FBLN7: variants seen among roughly 807,000 people sequenced by gnomAD.
FBLN7 encodes fibulin 7.
Under a neutral mutation model 44.0 loss-of-function variants are expected in FBLN7, and 31 were observed. The observed-to-expected ratio is 0.70, with a 90% CI of 0.53 to 0.95. The LOEUF is 0.95. FBLN7 is among the 40% of genes least tolerant of loss of function. The probability of loss-of-function intolerance (pLI) is 0.00; values close to 1 mark genes in which losing one functional copy is unlikely to be tolerated. For missense variants in FBLN7, 573 were observed against 618.5 expected, an observed-to-expected ratio of 0.93 and a Z score of 0.78; for synonymous variants, 262 against 253.4, an observed-to-expected ratio of 1.03 and a Z score of -0.32.
the FBLN7 span, chr2:112,212,640 G>A: frequency 2.0e-5 from 3 of 152,096 alleles, no homozygotes; most frequent in African/African-American, 7.2e-5. Flanking sequence ...TAAGTCCATG[G>A]CTCAGCTGTT....
At chr2:112,139,184 T>C (rs1468658109) in intron 1 of FBLN7, among the ~76,000 whole-genome samples, 30 of 38,494 alleles carry the variant, frequency 7.8e-4, no homozygotes, top group East Asian at 1.5e-3. Context: ...TCCAGGCCAG[T>C]GTCCCTCCCG....
downstream of FBLN7, among the ~76,000 whole-genome samples, chr2:112,192,778 T>C (rs540117139): frequency 5.3e-5 from 8 of 152,346 alleles, no homozygotes; most frequent in African/African-American, 1.9e-4. Context: ...TAAACTTTTA[T>C]GACTCTTAGC....
chr2:112,160,766 ACAC>A (rs1681782071), intron 2 of FBLN7, among the ~76,000 whole-genome samples: 5 of 35,436 alleles, frequency 1.4e-4, no homozygotes, highest in Non-Finnish European at 3.3e-4. Context: ...ACACGCACGC[ACAC>A]GCAGACGCAC....
chr2:112,191,416 T>C (rs908962534), downstream of FBLN7, among the ~76,000 whole-genome samples: 1 of 152,206 alleles, frequency 6.6e-6, no homozygotes, highest in African/African-American at 2.4e-5. Flanking sequence ...CCTCAAGTGG[T>C]CTGCCCGCCT....
At chr2:112,211,260 C>T in the FBLN7 span, among the ~76,000 whole-genome samples, 1 of 152,148 alleles carries the variant, frequency 6.6e-6, no homozygotes, top group East Asian at 1.9e-4. Flanking sequence ...GATTTGAGAC[C>T]TTAATTGCAT....
At chr2:112,193,232 G>T in the FBLN7 span, among the ~76,000 whole-genome samples, 16 of 152,270 alleles carry the variant, frequency 1.1e-4, no homozygotes, top group East Asian at 3.1e-3. Flanking sequence ...CCTGAGGTCA[G>T]GAGTTTGAGA....
At chr2:112,176,467 C>A (rs1198244048) in intron 4 of FBLN7, 1 of 152,350 alleles carries the variant, frequency 6.6e-6, no homozygotes, top group Non-Finnish European at 1.5e-5. Context: ...ATATCCTATT[C>A]CTTAGCCACA....
intron 2 of FBLN7, among the ~76,000 whole-genome samples, chr2:112,160,722 GCACACGCACGCACACGCACA>G (rs1558879818): frequency 4.5e-4 from 48 of 106,074 alleles, no homozygotes; most frequent in African/African-American, 1.7e-3. Flanking sequence ...ACAAGCACGC[GCACACGCACGCACACGCACA>G]CACGCGCACG....
At chr2:112,234,486 T>C in the FBLN7 span, among the ~76,000 whole-genome samples, 2 of 152,288 alleles carry the variant, frequency 1.3e-5, no homozygotes, top group South Asian at 4.1e-4. Flanking sequence ...TGCCTTTATT[T>C]TGTAAAAATG....
At chr2:112,157,407 T>G (rs532546100) in intron 1 of FBLN7, among the ~76,000 whole-genome samples, 1 of 152,134 alleles carries the variant, frequency 6.6e-6, no homozygotes, top group Non-Finnish European at 1.5e-5. Flanking sequence ...ACATAATCCA[T>G]AAGCCTATCC....
chr2:112,243,420 A>G, the FBLN7 span, among the ~76,000 whole-genome samples: 1 of 152,188 alleles, frequency 6.6e-6, no homozygotes, highest in Non-Finnish European at 1.5e-5. Flanking sequence ...ATTCTGGTGA[A>G]CTGATATCAG....
At chr2:112,236,545 A>G in the FBLN7 span, 7 of 1,609,312 alleles carry the variant, frequency 4.3e-6, no homozygotes, top group African/African-American at 1.3e-5. Flanking sequence ...TATTCCTAGA[A>G]GCATATATTC....
chr2:112,167,364 C>T (rs1330708720), intron 3 of FBLN7, among the ~76,000 whole-genome samples: 3 of 151,964 alleles, frequency 2.0e-5, no homozygotes, highest in Non-Finnish European at 4.4e-5. Context: ...ACCCAAAGCG[C>T]TCCCCACAGT....
intron 3 of FBLN7, among the ~76,000 whole-genome samples, chr2:112,173,948 T>C (rs1366776884): frequency 6.6e-6 from 1 of 152,242 alleles, no homozygotes; most frequent in South Asian, 2.1e-4. Context: ...CTGGGACAGC[T>C]GTGCGTTTCT....
Position 112,138,406 on chromosome 2 carries a change from T to C in FBLN7, c.-250T>C. The C allele has an allele frequency of 4.7e-6, 1 of 211,900 alleles. No homozygotes were observed. Among genetic ancestry groups the C allele is most frequent in the Non-Finnish European group, 9.0e-6 (1 of 111,444 alleles). The allele number at this position is 211,900 out of a possible 1,614,324, so 13.1% of individuals were successfully genotyped here. A position where few individuals can be genotyped will look rare whatever the true frequency, so the allele number is the denominator to read the frequency against. On this transcript the variant is annotated 5_prime_UTR_variant, in exon 1 of 8. Coordinates refer to ENST00000331203, the MANE Select transcript of FBLN7 (RefSeq NM_153214.3). ...CGTCCTTAGCCCAGGGGCCGGCGCCTCCCCGCCTCGCGCGGACTGTCTCGT... is the reference window on the plus strand; with the variant it reads ...CGTCCTTAGCCCAGGGGCCGGCGCCCCCCCGCCTCGCGCGGACTGTCTCGT...
the FBLN7 span, among the ~76,000 whole-genome samples, chr2:112,241,444 C>T: frequency 6.6e-6 from 1 of 152,156 alleles, no homozygotes; most frequent in Non-Finnish European, 1.5e-5. Context: ...CAGAGACCCC[C>T]CCCTCAAGGG....
chr2:112,159,819 CCCAGATGCCCTTCCAGGTGGGT>C lies in FBLN7; in HGVS notation c.222_235+8del. The C allele has an allele frequency of 6.4e-7, 1 of 1,560,218 alleles. No individual in the cohort carries two copies. ...TGCAGAACTCTGTGGGCAGGGTGGG[CCCAGATGCCCTTCCAGGTGGGT>C]CCCCACGTCGGCACCGCTGGGGCGG... On this transcript the variant is annotated splice_donor_variant and splice_donor_5th_base_variant and coding_sequence_variant and intron_variant, in exon 2 of 8. Coordinates refer to ENST00000331203, the MANE Select transcript of FBLN7 (RefSeq NM_153214.3). LOFTEE classifies it high-confidence loss of function.
chr2:112,138,539 C>A lies in FBLN7; in HGVS notation c.-117C>A. 1 of 1,459,652 alleles carries A rather than the reference C, an allele frequency of 6.9e-7. No homozygotes were observed. The highest frequency in any genetic ancestry group is 1.2e-5 in the South Asian group (1 of 81,162). 90.4% of individuals were successfully genotyped at this position (1,459,652 alleles called of 1,614,324 possible). A position where few individuals can be genotyped will look rare whatever the true frequency, so the allele number is the denominator to read the frequency against. The stretch of plus-strand genomic sequence containing the variant: ...CCGCCTCCCCCCCTGCCCCAGCCGC[C>A]CCCCGGCCGCGCGGCGCCCCGCACC... On this transcript the variant is annotated 5_prime_UTR_variant, in exon 1 of 8. Coordinates refer to ENST00000331203, the MANE Select transcript of FBLN7 (RefSeq NM_153214.3).
the FBLN7 span, among the ~76,000 whole-genome samples, chr2:112,208,553 C>T: frequency 0.037 from 5,575 of 152,192 alleles, 145 homozygotes; most frequent in Non-Finnish European, 0.049. Flanking sequence ...TCTGTTTGAT[C>T]CATCCACTTC....
Sources: gnomAD v4.1 joint callset for allele counts (sites outside exome capture counted in the v4.1 genomes callset) on GRCh38, gnomAD v4.1.1 for gene constraint, MANE v1.5 for transcripts, NCBI Gene and HGNC (gene_info 2026-07-23, HGNC 2026-07-21) for gene names.